RALYL: variants seen among roughly 807,000 people sequenced by gnomAD.
RALYL encodes RNA-binding Raly-like protein.
A neutral mutation model predicts 35.1 loss-of-function variants in RALYL; 29 were observed. The observed-to-expected ratio is 0.83, with a 90% CI of 0.61 to 1.13. The LOEUF (loss-of-function observed/expected upper bound fraction) is 1.13. RALYL is among the 50% of genes most tolerant of loss of function. RALYL has a pLI of 0.00. For missense variants in RALYL, 359 were observed against 360.4 expected, an observed-to-expected ratio of 1.00 and a Z score of 0.03; for synonymous variants, 120 against 127.6, an observed-to-expected ratio of 0.94 and a Z score of 0.40.
At chr8:84,584,382 A>C (rs1036880541) in intron 2 of RALYL, among the ~76,000 whole-genome samples, 3 of 152,080 alleles carry the variant, frequency 2.0e-5, no homozygotes, top group Non-Finnish European at 4.4e-5. Flanking sequence ...AGGCAAGTGG[A>C]TCACGTGGTC....
rs537625104 is a variant in RALYL, at chr8:84,620,018, C to T, written c.256+90441C>T. 6.0e-3 allele frequency among the ~76,000 whole-genome samples: 906 copies of T among 152,112 alleles called. 6 individuals are homozygous for T. Among genetic ancestry groups the T allele is most frequent in the Middle Eastern group, 0.014 (4 of 294 alleles). ...GTAACCCGACCTTTCTCTCTGGCTG[C>T]CCTTAACAATTTTTCCTTCATTTCA... On this transcript the variant is annotated intron_variant, in intron 2 of 8. Transcript: ENST00000521268.
intron 1 of RALYL, among the ~76,000 whole-genome samples, chr8:84,462,877 G>A (rs1261740021): frequency 1.3e-5 from 2 of 151,712 alleles, no homozygotes; most frequent in African/African-American, 4.8e-5. Context: ...CACACTAAGG[G>A]ATAGGTGATG....
intron 1 of RALYL, among the ~76,000 whole-genome samples, chr8:84,305,196 A>G (rs186847680): frequency 4.3e-4 from 66 of 152,302 alleles, no homozygotes; most frequent in Non-Finnish European, 5.6e-4. Context: ...TATTAAGCAT[A>G]TATGTGCTCA....
chr8:84,703,008 T>A (rs987413217), intron 2 of RALYL, among the ~76,000 whole-genome samples: 1 of 152,136 alleles, frequency 6.6e-6, no homozygotes, highest in Non-Finnish European at 1.5e-5. Context: ...GTGGGGTGCC[T>A]GGACGTGCCC....
chr8:84,810,002 G>T (rs928119446), intron 4 of RALYL, among the ~76,000 whole-genome samples: 1 of 151,770 alleles, frequency 6.6e-6, no homozygotes, highest in Non-Finnish European at 1.5e-5. Context: ...CTCTGATCTT[G>T]GTTATTTCCT....
At chr8:84,419,563 T>C (rs559230126) in intron 1 of RALYL, among the ~76,000 whole-genome samples, 47 of 151,998 alleles carry the variant, frequency 3.1e-4, no homozygotes, top group African/African-American at 1.1e-3. Context: ...TTTATTATTA[T>C]ACATTAAGTT....
chr8:84,727,718 C>T lies in RALYL; in HGVS notation c.257-46861C>T, dbSNP rs563433072. ...GTTCCCACCTATGAGTGAGAATATG[C>T]CGTGTTTGGTTTTTTTGTTCTTGCG... On this transcript the variant is annotated intron_variant, in intron 2 of 8. Transcript: ENST00000521268. Among the ~76,000 whole-genome samples the T allele has an allele frequency of 4.0e-5, 6 of 149,216 alleles. No homozygotes were observed. The East Asian group carries it at 6.1e-4, about 15-fold the overall frequency.
At chr8:84,567,283 T>C (rs2061846214) in intron 2 of RALYL, among the ~76,000 whole-genome samples, 1 of 151,794 alleles carries the variant, frequency 6.6e-6, no homozygotes, top group Non-Finnish European at 1.5e-5. Flanking sequence ...TATTGCATAA[T>C]GATGGGGATT....
intron 1 of RALYL, among the ~76,000 whole-genome samples, chr8:84,319,621 T>C (rs1844417067): frequency 6.6e-6 from 1 of 152,134 alleles, no homozygotes; most frequent in African/African-American, 2.4e-5. Context: ...TTTCCACTTC[T>C]TTAATCATAG....
intron 2 of RALYL, among the ~76,000 whole-genome samples, chr8:84,769,268 C>A (rs915355695): frequency 3.3e-5 from 5 of 152,102 alleles, no homozygotes; most frequent in African/African-American, 9.7e-5. Context: ...CTAAGTCATA[C>A]AAGAGTCACT....
At chr8:84,576,191 G>A (rs577289496) in intron 2 of RALYL, among the ~76,000 whole-genome samples, 76 of 151,906 alleles carry the variant, frequency 5.0e-4, no homozygotes, top group African/African-American at 1.8e-3. Context: ...ACTGTATTTT[G>A]GACTGTGAAA....
At chr8:84,614,964 G>A (rs759150483) in intron 2 of RALYL, among the ~76,000 whole-genome samples, 1 of 151,490 alleles carries the variant, frequency 6.6e-6, no homozygotes. Flanking sequence ...TGCCCTTGAG[G>A]AATGATGGCA....
At position 84,419,994 on chromosome 8, in the gene RALYL, C is replaced by T. The variant is rs1285519719; in HGVS notation, c.-23-109305C>T. ...AAGTCTTTGCTATTGTGAATAATGCCGCAATAAACATACGTGTGCATGTGT... is the reference window on the plus strand; with the variant it reads ...AAGTCTTTGCTATTGTGAATAATGCTGCAATAAACATACGTGTGCATGTGT... On this transcript the variant is annotated intron_variant, in intron 1 of 8. Transcript: ENST00000521268. Among the ~76,000 whole-genome samples the T allele has an allele frequency of 3.5e-3, 524 of 150,334 alleles. 3 individuals carry two copies. Among genetic ancestry groups the T allele is most frequent in the African/African-American group, 0.012 (487 of 40,578 alleles).
intron 4 of RALYL, among the ~76,000 whole-genome samples, chr8:84,835,923 A>C (rs1321310012): frequency 2.0e-5 from 3 of 152,124 alleles, no homozygotes. Flanking sequence ...TAAAAGAGTA[A>C]TTGAATGAAT....
chr8:84,843,883 A>C (rs996245427), intron 4 of RALYL, among the ~76,000 whole-genome samples: 46 of 152,362 alleles, frequency 3.0e-4, no homozygotes, highest in African/African-American at 1.0e-3. Context: ...TTCCCTATTT[A>C]ATAAATGGTG....
At chr8:84,335,039 CTT>C (rs1320060064) in intron 1 of RALYL, among the ~76,000 whole-genome samples, 2 of 152,088 alleles carry the variant, frequency 1.3e-5, no homozygotes, top group Non-Finnish European at 2.9e-5. Context: ...TCGACTAACT[CTT>C]GTTTCTGACC....
At chr8:84,663,024 C>T (rs1831225854) in intron 2 of RALYL, among the ~76,000 whole-genome samples, 1 of 152,056 alleles carries the variant, frequency 6.6e-6, no homozygotes, top group African/African-American at 2.4e-5. Flanking sequence ...GGTTACTCTC[C>T]TCCCTGAGTC....
intron 4 of RALYL, among the ~76,000 whole-genome samples, chr8:84,813,371 C>T (rs1252430983): frequency 6.6e-6 from 1 of 152,152 alleles, no homozygotes; most frequent in Non-Finnish European, 1.5e-5. Flanking sequence ...TAAAATTCAC[C>T]ATGCGAGCCT....
At chr8:84,436,131 AG>A (rs2047685262) in intron 1 of RALYL, among the ~76,000 whole-genome samples, 1 of 152,144 alleles carries the variant, frequency 6.6e-6, no homozygotes, top group Admixed American at 6.6e-5. Context: ...ATTTCCAGTA[AG>A]TCTGAAGTAG....
Sources: gnomAD v4.1 joint callset for allele counts (sites outside exome capture counted in the v4.1 genomes callset) on GRCh38, gnomAD v4.1.1 for gene constraint, MANE v1.5 for transcripts, NCBI Gene and HGNC (gene_info 2026-07-23, HGNC 2026-07-21) for gene names.